Variants in SNX31 observed in about 807,000 individuals in gnomAD.
SNX31 encodes the protein sorting nexin-31.
In SNX31, 58 loss-of-function variants were observed where a neutral mutation model predicts 65.4. That is an observed-to-expected ratio of 0.89 (90% CI 0.72 to 1.10). The LOEUF (loss-of-function observed/expected upper bound fraction) is 1.10, where lower values mean the gene tolerates loss of function less well. SNX31 is among the 50% of genes least tolerant of loss of function. The probability of loss-of-function intolerance (pLI) is 0.00; values close to 1 mark genes in which losing one functional copy is unlikely to be tolerated. For synonymous variants in SNX31, 181 were observed against 190.1 expected (o/e 0.95, Z 0.39); for missense variants, 523 against 529.7 (o/e 0.99, Z 0.12).
At chr8:100,596,222 T>C (rs1815078023) in intron 10 of SNX31, among the ~76,000 whole-genome samples, 1 of 152,120 alleles carries the variant, frequency 6.6e-6, no homozygotes, top group South Asian at 2.1e-4. Flanking sequence ...CTAATAAGGG[T>C]TTCTCTTGGG....
At position 100,613,606 on chromosome 8, in the gene SNX31, G is replaced by A. The variant is rs935177329; in HGVS notation, c.433-521C>T. Among the ~76,000 whole-genome samples, 5 of 152,190 alleles carry A rather than the reference G, an allele frequency of 3.3e-5. No homozygotes were observed. Among genetic ancestry groups the A allele is most frequent in the African/African-American group, 9.7e-5 (4 of 41,444 alleles). ...CCTGCTTCGCCTTGATGTTTCCTGCGATGGTCAACTGTAATTTACTAGGAT... is the reference window on the plus strand; with the variant it reads ...CCTGCTTCGCCTTGATGTTTCCTGCAATGGTCAACTGTAATTTACTAGGAT... On this transcript the variant is annotated intron_variant, in intron 5 of 13. Coordinates refer to ENST00000311812, the MANE Select transcript of SNX31 (RefSeq NM_152628.4). This position sits in a 1 kb window ranked among gnomAD's most constrained non-coding sequence, Gnocchi z 5.2.
intron 5 of SNX31, among the ~76,000 whole-genome samples, chr8:100,617,201 T>A (rs1040386656): frequency 6.6e-6 from 1 of 152,158 alleles, no homozygotes; most frequent in Non-Finnish European, 1.5e-5. Flanking sequence ...TGTGGGAGAA[T>A]AGGAACCTTC....
upstream of SNX31, chr8:100,649,781 C>T (rs905877239): frequency 4.9e-6 from 2 of 411,194 alleles, no homozygotes; most frequent in East Asian, 8.3e-5. Context: ...CGGCCACCCC[C>T]ACCCCGGACA....
chr8:100,599,870 A>G (rs533973941), intron 9 of SNX31, among the ~76,000 whole-genome samples: 13 of 152,348 alleles, frequency 8.5e-5, no homozygotes, highest in African/African-American at 3.1e-4. Flanking sequence ...GTACTCAAAG[A>G]GGATGCTGGT....
At position 100,633,963 on chromosome 8, in the gene SNX31, A is replaced by G. The variant is rs537964365; in HGVS notation, c.256+1934T>C. Among the ~76,000 whole-genome samples, 6 of 152,360 alleles carry G rather than the reference A, an allele frequency of 3.9e-5. No homozygotes were observed. In the East Asian group the frequency reaches 9.6e-4, roughly 24 times the overall value. On this transcript the variant is annotated intron_variant, in intron 3 of 13. Transcript: ENST00000311812. ...GTTGAGCAAAAAGGGATCTATATACACGCAAATTGCTGCTAGGTAATATAC... is the reference window on the plus strand; with the variant it reads ...GTTGAGCAAAAAGGGATCTATATACGCGCAAATTGCTGCTAGGTAATATAC...
Position 100,616,647 on chromosome 8 carries a change from T to A in SNX31, c.432+973A>T, listed in dbSNP as rs1302440217. 5.9e-5 allele frequency among the ~76,000 whole-genome samples: 9 copies of A among 152,058 alleles called. No individual in the cohort carries two copies. The East Asian group carries it at 1.5e-3, about 26-fold the overall frequency. On this transcript the variant is annotated intron_variant, in intron 5 of 13. Transcript: ENST00000311812. ...TTAGGGGCAGCTGTAGAGATCTAGCTGGGAAACAATGAGGGCTGGAGCTAA... is the reference window on the plus strand; with the variant it reads ...TTAGGGGCAGCTGTAGAGATCTAGCAGGGAAACAATGAGGGCTGGAGCTAA...
intron 10 of SNX31, among the ~76,000 whole-genome samples, chr8:100,591,795 C>T (rs1814612638): frequency 1.3e-5 from 2 of 152,158 alleles, no homozygotes; most frequent in African/African-American, 4.8e-5. Flanking sequence ...TGCCACTGCA[C>T]TCCAGCCTGG....
At chr8:100,611,761 G>T (rs894978946) in intron 7 of SNX31, among the ~76,000 whole-genome samples, 1 of 152,072 alleles carries the variant, frequency 6.6e-6, no homozygotes, top group Non-Finnish European at 1.5e-5. Flanking sequence ...TTGCTATGTT[G>T]CCCAGGCTGA....
At chr8:100,641,656 A>ATATG (rs60345327) in intron 2 of SNX31, among the ~76,000 whole-genome samples, 2 of 39,034 alleles carry the variant, frequency 5.1e-5, no homozygotes, top group African/African-American at 2.9e-4. Flanking sequence ...ATATATATAT[A>ATATG]TATGTATGGT....
chr8:100,578,909 A>G lies in SNX31; in HGVS notation c.1171-1834T>C, dbSNP rs1053108553. Among the ~76,000 whole-genome samples, 3 of 151,908 alleles carry G rather than the reference A, an allele frequency of 2.0e-5. No homozygotes were observed. The highest frequency in any genetic ancestry group is 7.3e-5 in the African/African-American group (3 of 41,338). ...TCTAATTTTTGTATTTTTGGTAGAG[A>G]TGGGGTTTCACCATGTTGGCCAGGC... On this transcript the variant is annotated intron_variant, in intron 12 of 13. Coordinates refer to ENST00000311812, the MANE Select transcript of SNX31 (RefSeq NM_152628.4). This position sits in a 1 kb window ranked among gnomAD's most constrained non-coding sequence, Gnocchi z 4.7.
chr8:100,615,619 C>T (rs1817102875), intron 5 of SNX31, among the ~76,000 whole-genome samples: 1 of 152,214 alleles, frequency 6.6e-6, no homozygotes, highest in African/African-American at 2.4e-5. Context: ...CTGCTATACA[C>T]CTAGGCTAGA....
intron 2 of SNX31, among the ~76,000 whole-genome samples, chr8:100,641,595 T>TACACAC (rs1554587422): frequency 9.1e-5 from 2 of 22,096 alleles, no homozygotes; most frequent in African/African-American, 3.1e-4. Context: ...TATATATATA[T>TACACAC]ACACATACAC....
In SNX31 at chr8:100,575,072, A is replaced by C. The variant is rs1469514960; in HGVS notation, c.1228-1112T>G. Among the ~76,000 whole-genome samples the C allele has an allele frequency of 1.3e-5, 2 of 152,260 alleles. No individual in the cohort carries two copies. The highest frequency in any genetic ancestry group is 6.5e-5 in the Admixed American group (1 of 15,286). ...ATGGAAAGTGGAAAGTGAAAAAAAAAATGTGGAGCCCCTCAGTGGGCAGAT... is the reference window on the plus strand; with the variant it reads ...ATGGAAAGTGGAAAGTGAAAAAAAACATGTGGAGCCCCTCAGTGGGCAGAT... On this transcript the variant is annotated intron_variant, in intron 13 of 13. Transcript: ENST00000311812. This position sits in a 1 kb window ranked among gnomAD's most constrained non-coding sequence, Gnocchi z 5.1.
At chr8:100,592,843 T>C (rs751016558) in intron 10 of SNX31, among the ~76,000 whole-genome samples, 9 of 152,148 alleles carry the variant, frequency 5.9e-5, no homozygotes, top group African/African-American at 9.7e-5. Flanking sequence ...CTGGGAAACA[T>C]GCTAGGTAAA....
In SNX31 at chr8:100,649,643, G is replaced by T; in HGVS notation, c.-129C>A. ...CGACTCAGAGCGAACCCCGGCGCCC[G>T]CTCTCGCCGGCCGGGGACATCTACA... On this transcript the variant is annotated 5_prime_UTR_variant, in exon 1 of 14. Coordinates refer to ENST00000311812, the MANE Select transcript of SNX31 (RefSeq NM_152628.4). The T allele has an allele frequency of 1.2e-6, 1 of 867,186 alleles. No individual in the cohort carries two copies. The highest frequency in any genetic ancestry group is 1.7e-6 in the Non-Finnish European group (1 of 583,052). 53.7% of individuals were successfully genotyped at this position (867,186 alleles called of 1,614,324 possible).
At chr8:100,615,284 C>A (rs917420068) in intron 5 of SNX31, among the ~76,000 whole-genome samples, 5 of 152,182 alleles carry the variant, frequency 3.3e-5, no homozygotes, top group Non-Finnish European at 7.3e-5. Context: ...ATGGACAAAA[C>A]AGATGGTACC....
intron 1 of SNX31, among the ~76,000 whole-genome samples, chr8:100,658,993 T>C (rs7002825): frequency 0.33 from 49,392 of 151,912 alleles, 9,252 homozygotes; most frequent in African/African-American, 0.51. Flanking sequence ...CTTAGATTCA[T>C]GTGGGATTCA....
intron 1 of SNX31, among the ~76,000 whole-genome samples, chr8:100,659,452 T>C (rs753358417): frequency 6.6e-6 from 1 of 151,640 alleles, no homozygotes. Flanking sequence ...GGCTGTCCCA[T>C]GTACGGGTCT....
At chr8:100,599,938 A>G (rs570721889) in intron 9 of SNX31, among the ~76,000 whole-genome samples, 4 of 152,362 alleles carry the variant, frequency 2.6e-5, no homozygotes, top group East Asian at 3.9e-4. Context: ...TACACAGAGT[A>G]TGTATAAATT....
Sources: allele counts gnomAD v4.1 joint callset (sites outside exome capture counted in the v4.1 genomes callset), GRCh38; gene constraint gnomAD v4.1.1; non-coding constraint Gnocchi (gnomAD v3.1); transcripts MANE v1.5; gene names NCBI Gene and HGNC (gene_info 2026-07-23, HGNC 2026-07-21).